NOX5: variants seen among roughly 807,000 people sequenced by gnomAD.
NOX5 encodes the protein NADPH oxidase 5, also known as NADPH oxidase, EF-hand calcium binding domain 5.
In NOX5, 76 loss-of-function variants were observed where a neutral mutation model predicts 85.7. That is an observed-to-expected ratio of 0.89 (90% confidence interval 0.74 to 1.07). The LOEUF (loss-of-function observed/expected upper bound fraction) is 1.07. NOX5 is among the 50% of genes least tolerant of loss of function. The pLI is 0.00. For missense variants in NOX5, 973 were observed against 999.5 expected (o/e 0.97, Z 0.36); for synonymous variants, 405 against 401.4 (o/e 1.01, Z -0.11).
At chr15:69,018,517 A>G (rs1241969617) in intron 1 of NOX5, among the ~76,000 whole-genome samples, 2 of 151,080 alleles carry the variant, frequency 1.3e-5, no homozygotes, top group African/African-American at 2.4e-5. Flanking sequence ...CTCTCCCACC[A>G]AGTGAGGACC....
At chr15:69,036,142 G>C (rs1435808874) in intron 7 of NOX5, among the ~76,000 whole-genome samples, 1 of 151,988 alleles carries the variant, frequency 6.6e-6, no homozygotes, top group African/African-American at 2.4e-5. Context: ...CTGCGGAAGA[G>C]TCTGCCTTTT....
intron 10 of NOX5, 148 bp downstream of exon 10, chr15:69,042,953 G>A (rs1035172929): frequency 3.3e-5 from 27 of 810,344 alleles, no homozygotes; most frequent in East Asian, 1.7e-4. Flanking sequence ...TGCTAACTCC[G>A]TGGTCCAAGA....
chr15:69,046,865 A>G lies in NOX5; in HGVS notation c.1691A>G (p.Lys564Arg). ...LLEKHKFCNI[K>R]CYIDGPYGTP... Reference sequence around the variant, plus strand: ...GAGAAACACAAATTCTGTAACATCAAGGTGAGAGGCTGCAGGGGTGGACGT... The same window carrying G: ...GAGAAACACAAATTCTGTAACATCAGGGTGAGAGGCTGCAGGGGTGGACGT... Residue 564 changes from lysine to arginine, a missense_variant and splice_region_variant, in exon 11 of 16, where the codon AAG becomes AGG. By Grantham distance (26) the Lys-to-Arg change is conservative (BLOSUM62 2). Transcript: ENST00000388866. 6.2e-7 allele frequency: 1 copy of G among 1,613,820 alleles called. No homozygotes were observed. The highest frequency in any genetic ancestry group is 8.5e-7 in the Non-Finnish European group (1 of 1,179,770).
At chr15:69,027,883 C>T (rs1008496495) in intron 2 of NOX5, among the ~76,000 whole-genome samples, 5 of 152,100 alleles carry the variant, frequency 3.3e-5, no homozygotes, top group African/African-American at 1.2e-4. Flanking sequence ...GACCCTTTCC[C>T]ATGTTGGTTA....
At position 69,058,903 on chromosome 15, in the gene NOX5, C is replaced by G. The variant is rs2050844803; in HGVS notation, c.*2207C>G. On this transcript the variant is annotated 3_prime_UTR_variant, in exon 16 of 16. Coordinates refer to ENST00000388866, the MANE Select transcript of NOX5 (RefSeq NM_024505.4). The stretch of plus-strand genomic sequence containing the variant: ...GTTGGAGGATGTAAACAGGCTGTGC[C>G]AAATCATTTGGAAACGTGGCAGAAT... 6.6e-6 allele frequency: 1 copy of G among 152,152 alleles called. No homozygotes were observed. The highest frequency in any genetic ancestry group is 6.5e-5 in the Admixed American group (1 of 15,276). The allele number at this position is 152,152 out of a possible 1,614,324, so 9.4% of individuals were successfully genotyped here.
chr15:69,057,334 C>T lies in NOX5; in HGVS notation c.*638C>T, dbSNP rs1012397768. ...GAGGAGCCTTCTTCAAATGCACATT[C>T]CTTGGTCCCACTACCAGAAATTCTG... On this transcript the variant is annotated 3_prime_UTR_variant, in exon 16 of 16. Coordinates refer to ENST00000388866, the MANE Select transcript of NOX5 (RefSeq NM_024505.4). 1 of 152,232 alleles carries T rather than the reference C, an allele frequency of 6.6e-6. No individual in the cohort carries two copies. Among genetic ancestry groups the T allele is most frequent in the African/African-American group, 2.4e-5 (1 of 41,462 alleles). The allele number at this position is 152,232 out of a possible 1,614,324, so 9.4% of individuals were successfully genotyped here.
At position 69,047,813 on chromosome 15, in the gene NOX5, C is replaced by T. The variant is rs777801462; in HGVS notation, c.1818-17C>T. 1 of 1,613,940 alleles carries T rather than the reference C, an allele frequency of 6.2e-7. No homozygotes were observed. Among genetic ancestry groups the T allele is most frequent in the Non-Finnish European group, 8.5e-7 (1 of 1,179,856 alleles). Reference sequence around the variant, plus strand: ...CTCACCCCAAATTTACAACCCCTTCCTCCTGCCTCCCCTCAGGCACCAGAA... The same window carrying T: ...CTCACCCCAAATTTACAACCCCTTCTTCCTGCCTCCCCTCAGGCACCAGAA... On this transcript the variant is annotated splice_polypyrimidine_tract_variant and intron_variant, in intron 12 of 15. Coordinates refer to ENST00000388866, the MANE Select transcript of NOX5 (RefSeq NM_024505.4).
chr15:69,039,116 C>G (rs2050560332), intron 9 of NOX5, 127 bp downstream of exon 9: 1 of 1,115,860 alleles, frequency 9.0e-7, no homozygotes, highest in Admixed American at 2.0e-5. Flanking sequence ...CCTCAAAAAG[C>G]TCTCTTTGAA....
chr15:69,018,104 C>T (rs1003131877), intron 1 of NOX5, among the ~76,000 whole-genome samples: 3 of 151,936 alleles, frequency 2.0e-5, no homozygotes, highest in Non-Finnish European at 2.9e-5. Context: ...GTCCATGGAC[C>T]GGACCGCACT....
In NOX5 at chr15:69,036,097, A is replaced by G. The variant is rs540663778; in HGVS notation, c.1188+161A>G. ...ACCTGCTGCTGTGTTCTGCCACTGG[A>G]CTGTAGTTTATGTCTGCCAAGTGTA... On this transcript the variant is annotated intron_variant, in intron 7 of 15. Coordinates refer to ENST00000388866, the MANE Select transcript of NOX5 (RefSeq NM_024505.4). Among the ~76,000 whole-genome samples the G allele has an allele frequency of 2.5e-4, 38 of 152,252 alleles. No homozygotes were observed. In the South Asian group the frequency reaches 7.9e-3, roughly 32 times the overall value.
At chr15:69,020,248 C>T (rs1191501789) in intron 1 of NOX5, among the ~76,000 whole-genome samples, 1 of 152,140 alleles carries the variant, frequency 6.6e-6, no homozygotes, top group Non-Finnish European at 1.5e-5. Flanking sequence ...TTCCTTCAGC[C>T]TATTGCCTTT....
intron 3 of NOX5, 91 bp downstream of exon 3, chr15:69,028,456 C>A: frequency 7.7e-7 from 1 of 1,298,836 alleles, no homozygotes. Context: ...CCTGGAGGTG[C>A]CATCCCGGCC....
chr15:69,019,139 A>C (rs1195806580), intron 1 of NOX5, among the ~76,000 whole-genome samples: 1 of 152,204 alleles, frequency 6.6e-6, no homozygotes, highest in East Asian at 1.9e-4. Context: ...TTAGGATTAC[A>C]GGCATGAGCC....
chr15:69,049,191 TC>T, intron 14 of NOX5, 133 bp downstream of exon 14: 3 of 437,972 alleles, frequency 6.8e-6, no homozygotes, highest in Non-Finnish European at 3.9e-6. Context: ...GAACCCAGAG[TC>T]TTTTTTTTTT....
intron 1 of NOX5, among the ~76,000 whole-genome samples, chr15:69,016,197 C>G (rs970994581): frequency 6.6e-6 from 1 of 151,962 alleles, no homozygotes; most frequent in Non-Finnish European, 1.5e-5. Flanking sequence ...GCCTGGAGCC[C>G]CTGCCTTGGG....
At position 69,042,821 on chromosome 15, in the gene NOX5, A is replaced by C. The variant is rs756640486; in HGVS notation, c.1647+16A>C. The C allele has an allele frequency of 6.2e-7, 1 of 1,610,806 alleles. No individual in the cohort carries two copies. The highest frequency in any genetic ancestry group is 8.5e-7 in the Non-Finnish European group (1 of 1,178,382). ...GTCGTCCAAGGTAGGTGGCTACTGG[A>C]GGGAAGGGGTCCACTCTGCTGGCAA... On this transcript the variant is annotated intron_variant, in intron 10 of 15. Transcript: ENST00000388866.
intron 15 of NOX5, 129 bp from the exon 16 acceptor site, chr15:69,056,436 C>T (rs1052569148): frequency 7.6e-6 from 9 of 1,183,786 alleles, no homozygotes; most frequent in Non-Finnish European, 1.1e-5. Context: ...CCATGCAGCT[C>T]CCTGTGTAAA....
chr15:69,051,625 T>C (rs973616300), intron 14 of NOX5, among the ~76,000 whole-genome samples: 8 of 152,146 alleles, frequency 5.3e-5, no homozygotes, highest in Non-Finnish European at 1.2e-4. Context: ...TCTACCAGCT[T>C]TGGCCTCCCA....
At chr15:69,032,104 C>A (rs1349687797) in intron 4 of NOX5, among the ~76,000 whole-genome samples, 1 of 152,196 alleles carries the variant, frequency 6.6e-6, no homozygotes, top group Non-Finnish European at 1.5e-5. Flanking sequence ...GAAATTACTT[C>A]GCCTGAAGTA....
Sources: allele counts gnomAD v4.1 joint callset (sites outside exome capture counted in the v4.1 genomes callset), GRCh38; gene constraint gnomAD v4.1.1; transcripts MANE v1.5; gene names NCBI Gene and HGNC (gene_info 2026-07-23, HGNC 2026-07-21).